The following EYA2 variants were observed in gnomAD, a reference collection of about 807,000 sequenced individuals.
EYA2 encodes the protein EYA transcriptional coactivator and phosphatase 2.
In EYA2, 31 loss-of-function variants were observed where a neutral mutation model predicts 69.2. The observed-to-expected ratio is 0.45, with a 90% confidence interval of 0.34 to 0.60. The LOEUF is 0.60. EYA2 is among the 20% of genes least tolerant of loss of function. The pLI is 0.02. For missense variants in EYA2, 622 were observed against 701.2 expected (o/e 0.89, Z 1.28); for synonymous variants, 257 against 279.4 (o/e 0.92, Z 0.80).
intron 1 of EYA2, among the ~76,000 whole-genome samples, chr20:46,939,080 A>C (rs1023182252): frequency 6.6e-6 from 1 of 152,130 alleles, no homozygotes; most frequent in African/African-American, 2.4e-5. Flanking sequence ...CTCTCAGTCC[A>C]CCTAGTTCAG....
intron 9 of EYA2, among the ~76,000 whole-genome samples, chr20:47,100,002 CCTTTGGTTTG>C (rs1384392535): frequency 4.5e-5 from 2 of 44,390 alleles, no homozygotes; most frequent in Non-Finnish European, 9.3e-5. Context: ...AGGACAGGGA[CCTTTGGTTTG>C]GTTTGGTTTG....
At chr20:46,905,015 A>G (rs926621221) in intron 1 of EYA2, among the ~76,000 whole-genome samples, 1 of 152,036 alleles carries the variant, frequency 6.6e-6, no homozygotes, top group African/African-American at 2.4e-5. Flanking sequence ...AATGAATGAA[A>G]CTTGCCCTGA....
At chr20:47,082,001 G>A (rs1278021099) in intron 7 of EYA2, among the ~76,000 whole-genome samples, 2 of 151,342 alleles carry the variant, frequency 1.3e-5, no homozygotes, top group East Asian at 2.0e-4. Flanking sequence ...TACCATGCCC[G>A]GCTAATTTTT....
intron 1 of EYA2, among the ~76,000 whole-genome samples, chr20:46,989,252 G>A (rs1171158913): frequency 6.6e-6 from 1 of 152,012 alleles, no homozygotes; most frequent in African/African-American, 2.4e-5. Context: ...GCTTTTCTCC[G>A]TCCATGCAAG....
chr20:47,094,532 T>A (rs532494435), intron 8 of EYA2, among the ~76,000 whole-genome samples: 1 of 152,374 alleles, frequency 6.6e-6, no homozygotes, highest in Admixed American at 6.5e-5. Flanking sequence ...TAGATATTTC[T>A]CTTAACTTTC....
intron 1 of EYA2, among the ~76,000 whole-genome samples, chr20:46,979,184 G>A (rs748227221): frequency 1.1e-4 from 17 of 152,166 alleles, no homozygotes; most frequent in Non-Finnish European, 1.9e-4. Context: ...AAAGGTGAGC[G>A]GCCCACCCGC....
chr20:47,036,564 C>T (rs1486659025), intron 5 of EYA2, among the ~76,000 whole-genome samples: 3 of 152,196 alleles, frequency 2.0e-5, no homozygotes, highest in Non-Finnish European at 2.9e-5. Context: ...TTTTTAACTT[C>T]TTCCACTTGC....
intron 1 of EYA2, among the ~76,000 whole-genome samples, chr20:46,941,163 C>G (rs997566141): frequency 4.6e-5 from 7 of 152,176 alleles, no homozygotes; most frequent in Non-Finnish European, 8.8e-5. Context: ...TCTTGGAATC[C>G]CACAGACCCA....
intron 1 of EYA2, among the ~76,000 whole-genome samples, chr20:46,903,733 C>A (rs1236151967): frequency 2.0e-5 from 3 of 152,020 alleles, no homozygotes; most frequent in Admixed American, 2.0e-4. Context: ...CTACGGCTGG[C>A]AAGTGGTATG....
chr20:47,136,620 C>G (rs551653338), intron 9 of EYA2, among the ~76,000 whole-genome samples: 1 of 151,840 alleles, frequency 6.6e-6, no homozygotes, highest in African/African-American at 2.4e-5. Context: ...GCACACGTCT[C>G]TAGTCCTAGC....
intron 9 of EYA2, among the ~76,000 whole-genome samples, chr20:47,117,196 A>G (rs1227771540): frequency 6.6e-6 from 1 of 151,940 alleles, no homozygotes; most frequent in Non-Finnish European, 1.5e-5. Flanking sequence ...TATTTTTAGT[A>G]AAGACGGGGT....
intron 2 of EYA2, among the ~76,000 whole-genome samples, chr20:46,994,314 T>A (rs918260810): frequency 6.6e-6 from 1 of 152,234 alleles, no homozygotes; most frequent in Non-Finnish European, 1.5e-5. Context: ...TTATTCCTTA[T>A]GATTCAAGGG....
intron 5 of EYA2, among the ~76,000 whole-genome samples, chr20:47,061,936 A>T (rs1443925873): frequency 6.6e-6 from 1 of 152,188 alleles, no homozygotes; most frequent in Non-Finnish European, 1.5e-5. Context: ...TCTCAGGAGG[A>T]CTTGGAACCT....
intron 1 of EYA2, among the ~76,000 whole-genome samples, chr20:46,958,348 A>G (rs923123553): frequency 3.9e-5 from 6 of 152,152 alleles, no homozygotes; most frequent in African/African-American, 9.7e-5. Context: ...TTTCTCGCCA[A>G]CTGAGCCATG....
At chr20:46,898,394 A>AAC (rs3085766) in intron 1 of EYA2, among the ~76,000 whole-genome samples, 4,440 of 146,496 alleles carry the variant, frequency 0.03, 92 homozygotes, top group African/African-American at 0.06. Context: ...GTTGACAGAA[A>AAC]ACACACACAC....
chr20:46,931,073 C>G (rs1240298367), intron 1 of EYA2, among the ~76,000 whole-genome samples: 1 of 152,166 alleles, frequency 6.6e-6, no homozygotes, highest in Non-Finnish European at 1.5e-5. Context: ...CAATTGAGAA[C>G]CACTGTCCTC....
At chr20:46,965,524 GC>G (rs1268414479) in intron 1 of EYA2, among the ~76,000 whole-genome samples, 7 of 152,212 alleles carry the variant, frequency 4.6e-5, no homozygotes, top group Non-Finnish European at 4.4e-5. Context: ...TCCCAGCCCC[GC>G]AGTGGCCACC....
intron 10 of EYA2, among the ~76,000 whole-genome samples, chr20:47,149,350 C>T (rs2033771467): frequency 6.6e-6 from 1 of 152,044 alleles, no homozygotes; most frequent in Non-Finnish European, 1.5e-5. Context: ...GCTGACTCTC[C>T]AGTTGCAGAT....
At chr20:46,922,377 A>G (rs1243461577) in intron 1 of EYA2, among the ~76,000 whole-genome samples, 1 of 152,186 alleles carries the variant, frequency 6.6e-6, no homozygotes, top group Non-Finnish European at 1.5e-5. Flanking sequence ...GAAATGGGGA[A>G]AAGGAGATTC....
Sources: gnomAD v4.1 joint callset for allele counts (sites outside exome capture counted in the v4.1 genomes callset) on GRCh38, gnomAD v4.1.1 for gene constraint, MANE v1.5 for transcripts, NCBI Gene and HGNC (gene_info 2026-07-23, HGNC 2026-07-21) for gene names.